Variants in LRP1B observed in about 807,000 individuals in gnomAD.
LRP1B encodes the protein low-density lipoprotein receptor-related protein 1B.
Under a neutral mutation model 556.6 loss-of-function variants are expected in LRP1B, and 217 were observed. That is an observed-to-expected ratio of 0.39 (90% CI 0.35 to 0.44). The LOEUF (loss-of-function observed/expected upper bound fraction) is 0.44, where lower values mean the gene tolerates loss of function less well. LRP1B is among the 20% of genes least tolerant of loss of function. The pLI is 1.00. For synonymous variants in LRP1B, 2,047 were observed against 1,865.8 expected (o/e 1.10, Z -2.50); for missense variants, 5,053 against 5,620.8 (o/e 0.90, Z 3.23).
intron 43 of LRP1B, among the ~76,000 whole-genome samples, chr2:140,550,106 G>A (rs944975239): frequency 6.6e-6 from 1 of 151,810 alleles, no homozygotes; most frequent in African/African-American, 2.4e-5. Flanking sequence ...AACGTGAGTC[G>A]TTGTGAGTTT....
chr2:141,876,017 T>G (rs1290570354), intron 1 of LRP1B, among the ~76,000 whole-genome samples: 1 of 151,980 alleles, frequency 6.6e-6, no homozygotes, highest in African/African-American at 2.4e-5. Context: ...GAAGTATACT[T>G]TAGTATTTAT....
intron 20 of LRP1B, among the ~76,000 whole-genome samples, chr2:140,924,972 T>C (rs1694844664): frequency 6.6e-6 from 1 of 151,968 alleles, no homozygotes; most frequent in Admixed American, 6.6e-5. Flanking sequence ...AGAAAATATC[T>C]GGAAAAAGAA....
At chr2:141,166,912 AAC>A (rs1319653574) in intron 7 of LRP1B, among the ~76,000 whole-genome samples, 1 of 151,948 alleles carries the variant, frequency 6.6e-6, no homozygotes, top group Non-Finnish European at 1.5e-5. Context: ...CATTTTTTCT[AAC>A]AGTGCAGAGT....
intron 2 of LRP1B, among the ~76,000 whole-genome samples, chr2:141,570,209 G>T (rs1686478220): frequency 6.6e-6 from 1 of 151,064 alleles, no homozygotes; most frequent in South Asian, 2.1e-4. Context: ...CTCTGGGTTG[G>T]TGGATCATCA....
At chr2:141,584,712 T>A (rs1015259768) in intron 2 of LRP1B, among the ~76,000 whole-genome samples, 1 of 152,160 alleles carries the variant, frequency 6.6e-6, no homozygotes, top group African/African-American at 2.4e-5. Context: ...TAGGTATAGG[T>A]AATGTTAACA....
At chr2:141,467,796 C>G (rs1252857599) in intron 3 of LRP1B, among the ~76,000 whole-genome samples, 1 of 125,216 alleles carries the variant, frequency 8.0e-6, no homozygotes, top group Non-Finnish European at 1.6e-5. Flanking sequence ...AAAAAGCACA[C>G]TGCTTTTTGT....
rs150688105 is a variant in LRP1B, at chr2:142,026,091, A to C, written c.82+104557T>G. Among the ~76,000 whole-genome samples the C allele has an allele frequency of 4.6e-5, 7 of 152,234 alleles. No individual in the cohort carries two copies. In the East Asian group the frequency reaches 1.4e-3, roughly 29 times the overall value. ...AAATGCTTTAAAGAATAAAGGAATC[A>C]ACATTTTAAAATCCTGTCTAAAAAA... On this transcript the variant is annotated intron_variant, in intron 1 of 90. Transcript: ENST00000389484.
At chr2:140,417,030 A>G (rs1369219957) in intron 66 of LRP1B, among the ~76,000 whole-genome samples, 1 of 152,246 alleles carries the variant, frequency 6.6e-6, no homozygotes, top group East Asian at 1.9e-4. Flanking sequence ...CTCGCTTTGT[A>G]TAACATGTGG....
intron 2 of LRP1B, among the ~76,000 whole-genome samples, chr2:141,488,451 C>A (rs547490839): frequency 6.6e-6 from 1 of 152,016 alleles, no homozygotes; most frequent in African/African-American, 2.4e-5. Flanking sequence ...GTAAAGCCTG[C>A]TACTAACTCC....
intron 1 of LRP1B, among the ~76,000 whole-genome samples, chr2:141,896,841 C>T (rs1310380195): frequency 5.3e-5 from 8 of 152,194 alleles, no homozygotes; most frequent in Non-Finnish European, 7.4e-5. Context: ...AATAGATGAT[C>T]GAAATTGATT....
rs375087541 is a variant in LRP1B at position 140,335,731 on chromosome 2, G to A, written c.12000C>T (p.His4000=). Residue 4000 remains histidine, a synonymous_variant, in exon 78 of 91, where the codon CAC becomes CAT. Coordinates refer to ENST00000389484, the MANE Select transcript of LRP1B (RefSeq NM_018557.3). ...TGATAGAGTACCTCAGACTGGTCCA[G>A]TGAGTAGTGTAGTAACTGAACCAAT... ...RMHWFSYYTT[H]WTSLRYSINV... 1 of 1,612,586 alleles carries A rather than the reference G, an allele frequency of 6.2e-7. No homozygotes were observed. Among genetic ancestry groups the A allele is most frequent in the Non-Finnish European group, 8.5e-7 (1 of 1,178,938 alleles).
intron 7 of LRP1B, among the ~76,000 whole-genome samples, chr2:141,152,487 A>G (rs1701948580): frequency 6.6e-6 from 1 of 151,978 alleles, no homozygotes; most frequent in Non-Finnish European, 1.5e-5. Flanking sequence ...ATTCTGGGTG[A>G]GGAATGTAAA....
chr2:141,746,465 G>A (rs1693918575), intron 2 of LRP1B, among the ~76,000 whole-genome samples: 1 of 152,044 alleles, frequency 6.6e-6, no homozygotes, highest in Non-Finnish European at 1.5e-5. Flanking sequence ...CAATCACTGT[G>A]CTGTCCCTCT....
At chr2:141,176,682 C>A (rs1290706360) in intron 7 of LRP1B, among the ~76,000 whole-genome samples, 1 of 151,334 alleles carries the variant, frequency 6.6e-6, no homozygotes, top group African/African-American at 2.4e-5. Flanking sequence ...TCAAAACAAA[C>A]TTTTAATAGA....
intron 2 of LRP1B, among the ~76,000 whole-genome samples, chr2:141,776,723 A>G (rs948464865): frequency 6.6e-6 from 1 of 152,144 alleles, no homozygotes; most frequent in Non-Finnish European, 1.5e-5. Flanking sequence ...TTTAAACAGT[A>G]TCTAGAGGGA....
chr2:141,574,972 A>G (rs1351632305), intron 2 of LRP1B, among the ~76,000 whole-genome samples: 1 of 152,206 alleles, frequency 6.6e-6, no homozygotes, highest in Non-Finnish European at 1.5e-5. Context: ...AAACAAATGG[A>G]AAAACATTCC....
Position 141,510,903 on chromosome 2 carries a change from CACACA to C in LRP1B, c.206-30375_206-30371del, listed in dbSNP as rs1202906096. 5.5e-4 allele frequency among the ~76,000 whole-genome samples: 22 copies of C among 40,350 alleles called. No individual in the cohort carries two copies. In the South Asian group the frequency reaches 8.0e-3, roughly 15 times the overall value. 26.5% of individuals were successfully genotyped at this position (40,350 alleles called of 152,430 possible). Reference sequence around the variant, plus strand: ...ACACACACACACACACACACACACACACACACCCCACACAAACATACACACAAGCT... The same window carrying C: ...ACACACACACACACACACACACACACCCCCACACAAACATACACACAAGCT... On this transcript the variant is annotated intron_variant, in intron 2 of 90. Transcript: ENST00000389484.
intron 2 of LRP1B, among the ~76,000 whole-genome samples, chr2:141,738,016 G>A (rs189617852): frequency 2.4e-4 from 37 of 151,704 alleles, no homozygotes; most frequent in East Asian, 5.8e-4. Context: ...CATTTTACTC[G>A]TTGATCCTCT....
At chr2:141,392,707 A>T (rs1394311432) in intron 3 of LRP1B, among the ~76,000 whole-genome samples, 3 of 152,120 alleles carry the variant, frequency 2.0e-5, no homozygotes, top group Non-Finnish European at 4.4e-5. Flanking sequence ...TTTGAGTCAT[A>T]ATGTCAACAT....
Sources: gnomAD v4.1 joint callset for allele counts (sites outside exome capture counted in the v4.1 genomes callset) on GRCh38, gnomAD v4.1.1 for gene constraint, MANE v1.5 for transcripts, NCBI Gene and HGNC (gene_info 2026-07-23, HGNC 2026-07-21) for gene names.